The following SYNJ1 variants were observed in gnomAD, a reference collection of about 807,000 sequenced individuals.
SYNJ1 encodes polyphosphatidylinositol phosphatase SYNJ1.
Under a neutral mutation model 168.2 loss-of-function variants are expected in SYNJ1, and 78 were observed. That is an observed-to-expected ratio of 0.46 (90% CI 0.39 to 0.56). The LOEUF (loss-of-function observed/expected upper bound fraction) is 0.56, where lower values mean the gene tolerates loss of function less well. SYNJ1 is among the 20% of genes least tolerant of loss of function. The pLI is 0.00. For synonymous variants in SYNJ1, 539 were observed against 548.6 expected, an observed-to-expected ratio of 0.98 and a Z score of 0.24; for missense variants, 1,303 against 1,597.6, an observed-to-expected ratio of 0.82 and a Z score of 3.14.
intron 2 of SYNJ1, among the ~76,000 whole-genome samples, chr21:32,715,031 C>T (rs1318363327): frequency 2.0e-5 from 3 of 152,180 alleles, no homozygotes; most frequent in Non-Finnish European, 2.9e-5. Context: ...GTACTTTCTA[C>T]TCCATTCTCT....
chr21:32,685,926 A>G lies in SYNJ1; in HGVS notation c.949-9T>C. 6.2e-7 allele frequency: 1 copy of G among 1,602,254 alleles called. No individual in the cohort carries two copies. The highest frequency in any genetic ancestry group is 8.5e-7 in the Non-Finnish European group (1 of 1,176,476). ...GAAGCTTTCAAATGACTCTGAAAGT[A>G]AAAAGGCAAATATTCATCTAAATGA... On this transcript the variant is annotated splice_polypyrimidine_tract_variant and intron_variant, in intron 8 of 32. Transcript: ENST00000674351.
intron 24 of SYNJ1, 103 bp from the exon 25 acceptor site, chr21:32,645,892 A>G: frequency 1.4e-6 from 2 of 1,473,520 alleles, no homozygotes; most frequent in Non-Finnish European, 1.8e-6. Flanking sequence ...AATGTGCACA[A>G]TGGTGTAAAG....
chr21:32,685,434 A>AAG (rs1163566090), intron 9 of SYNJ1, among the ~76,000 whole-genome samples: 1 of 148,008 alleles, frequency 6.8e-6, no homozygotes, highest in Non-Finnish European at 1.5e-5. Context: ...CCAAAAAAAA[A>AAG]AAAAAAAAAA....
intron 21 of SYNJ1, among the ~76,000 whole-genome samples, chr21:32,656,452 AG>A (rs1021813297): frequency 6.6e-6 from 1 of 152,268 alleles, no homozygotes; most frequent in Admixed American, 6.5e-5. Flanking sequence ...TTAAAAAAAA[AG>A]TTTCACTATT....
At chr21:32,691,158 TG>T (rs2042012938) in intron 6 of SYNJ1, among the ~76,000 whole-genome samples, 1 of 152,204 alleles carries the variant, frequency 6.6e-6, no homozygotes, top group African/African-American at 2.4e-5. Context: ...AGGTGGGGTC[TG>T]GTGGGAGGTG....
intron 6 of SYNJ1, among the ~76,000 whole-genome samples, chr21:32,690,487 A>G (rs1016493418): frequency 2.0e-5 from 3 of 152,096 alleles, no homozygotes; most frequent in African/African-American, 2.4e-5. Flanking sequence ...AGGTTTTATT[A>G]CTCAATGTTG....
intron 12 of SYNJ1, among the ~76,000 whole-genome samples, chr21:32,678,128 T>C (rs181711747): frequency 6.6e-6 from 1 of 152,248 alleles, no homozygotes; most frequent in Admixed American, 6.5e-5. Flanking sequence ...AATATTAAAA[T>C]TGGTAATAGC....
At chr21:32,676,300 T>C in intron 13 of SYNJ1, 32 bp downstream of exon 13, 2 of 1,528,190 alleles carry the variant, frequency 1.3e-6, no homozygotes, top group Non-Finnish European at 1.8e-6. Context: ...AAAAAATTGC[T>C]TTTATTTATA....
At chr21:32,687,423 G>A (rs1043663258) in intron 7 of SYNJ1, among the ~76,000 whole-genome samples, 1 of 152,176 alleles carries the variant, frequency 6.6e-6, no homozygotes, top group Non-Finnish European at 1.5e-5. Flanking sequence ...GCTCACATGT[G>A]AGGACATCAC....
upstream of SYNJ1, chr21:32,728,382 C>A: frequency 4.1e-6 from 1 of 246,856 alleles, no homozygotes; most frequent in South Asian, 5.6e-5. Context: ...CCCCCACGGG[C>A]CTGACGGGAG....
At chr21:32,678,559 A>G in intron 12 of SYNJ1, 86 bp downstream of exon 12, 1 of 1,387,236 alleles carries the variant, frequency 7.2e-7, no homozygotes, top group Admixed American at 2.8e-5. Flanking sequence ...ATTTTAACCA[A>G]CTAAAAATTC....
intron 10 of SYNJ1, among the ~76,000 whole-genome samples, chr21:32,683,582 C>T (rs951745630): frequency 5.9e-5 from 9 of 151,820 alleles, no homozygotes. Flanking sequence ...TTTGAAAACA[C>T]CAAACAAACT....
At chr21:32,663,379 G>A (rs970956415) in intron 18 of SYNJ1, among the ~76,000 whole-genome samples, 1 of 152,200 alleles carries the variant, frequency 6.6e-6, no homozygotes, top group African/African-American at 2.4e-5. Flanking sequence ...AAATCACACA[G>A]AAAGGAATCC....
At chr21:32,631,887 T>C (rs930055643) in intron 32 of SYNJ1, 86 bp from the exon 33 acceptor site, 17 of 1,239,892 alleles carry the variant, frequency 1.4e-5, no homozygotes, top group Middle Eastern at 2.2e-4. Flanking sequence ...TTCTTCCCTT[T>C]TAGGGGCAAG....
At chr21:32,692,560 A>G (rs940536985) in intron 6 of SYNJ1, among the ~76,000 whole-genome samples, 1 of 152,066 alleles carries the variant, frequency 6.6e-6, no homozygotes, top group African/African-American at 2.4e-5. Flanking sequence ...TGGGCGACAG[A>G]GCATCATTCC....
intron 31 of SYNJ1, among the ~76,000 whole-genome samples, 186 bp downstream of exon 31, chr21:32,638,719 AAAC>A (rs1490568811): frequency 6.6e-6 from 1 of 152,086 alleles, no homozygotes; most frequent in East Asian, 1.9e-4. Flanking sequence ...ACAAACACAC[AAAC>A]AACAACAAAA....
intron 6 of SYNJ1, among the ~76,000 whole-genome samples, chr21:32,688,577 AAAG>A (rs1278709616): frequency 6.6e-6 from 1 of 152,224 alleles, no homozygotes; most frequent in Admixed American, 6.5e-5. Context: ...CTCATCAAAA[AAAG>A]AAGTTACATC....
chr21:32,696,321 A>G (rs2042213330), intron 4 of SYNJ1, among the ~76,000 whole-genome samples: 2 of 152,224 alleles, frequency 1.3e-5, no homozygotes, highest in Admixed American at 1.3e-4. Flanking sequence ...CCTGGTTTCC[A>G]AACTTTTTTC....
intron 30 of SYNJ1, 112 bp downstream of exon 30, chr21:32,639,559 T>G: frequency 1.2e-6 from 1 of 821,712 alleles, no homozygotes; most frequent in Non-Finnish European, 2.0e-6. Context: ...CCCTGGCTAA[T>G]TTTAAGAGTT....
Sources: allele counts gnomAD v4.1 joint callset (sites outside exome capture counted in the v4.1 genomes callset), GRCh38; gene constraint gnomAD v4.1.1; transcripts MANE v1.5; gene names NCBI Gene and HGNC (gene_info 2026-07-23, HGNC 2026-07-21).